The following ATRNL1 variants were observed in gnomAD, a reference collection of about 807,000 sequenced individuals.
The protein encoded by ATRNL1 is attractin-like protein 1.
ATRNL1 carries 95 observed loss-of-function variants against 182.7 expected under a neutral mutation model. That is an observed-to-expected ratio of 0.52 (90% CI 0.44 to 0.62). The LOEUF (loss-of-function observed/expected upper bound fraction) is 0.62, where lower values mean the gene tolerates loss of function less well. ATRNL1 is among the 20% of genes least tolerant of loss of function. The probability of loss-of-function intolerance (pLI) is 0.00; values close to 1 mark genes in which losing one functional copy is unlikely to be tolerated. For synonymous variants in ATRNL1, 576 were observed against 568.3 expected (o/e 1.01, Z -0.19); for missense variants, 1,471 against 1,679.5 (o/e 0.88, Z 2.17).
intron 20 of ATRNL1, among the ~76,000 whole-genome samples, chr10:115,417,599 C>A (rs1845454058): frequency 6.6e-6 from 1 of 152,160 alleles, no homozygotes; most frequent in African/African-American, 2.4e-5. Flanking sequence ...CACAGTAGAT[C>A]CTGAGGGGAC....
chr10:115,835,992 C>T (rs782407512), intron 27 of ATRNL1, among the ~76,000 whole-genome samples: 8 of 152,206 alleles, frequency 5.3e-5, no homozygotes, highest in Non-Finnish European at 1.2e-4. Flanking sequence ...GGCTACTTCC[C>T]AATGAACCTC....
intron 19 of ATRNL1, among the ~76,000 whole-genome samples, chr10:115,358,613 G>C (rs1554943432): frequency 6.6e-6 from 1 of 151,484 alleles, no homozygotes; most frequent in Admixed American, 6.6e-5. Context: ...AAAGATTTTA[G>C]TATACCTATT....
intron 17 of ATRNL1, among the ~76,000 whole-genome samples, chr10:115,311,030 A>C (rs1554927612): frequency 6.6e-6 from 1 of 151,886 alleles, no homozygotes; most frequent in African/African-American, 2.4e-5. Flanking sequence ...CTTTTTGCAG[A>C]ATTTAAAACT....
intron 26 of ATRNL1, among the ~76,000 whole-genome samples, chr10:115,656,409 G>T (rs1248241581): frequency 2.0e-5 from 3 of 152,086 alleles, no homozygotes; most frequent in African/African-American, 4.8e-5. Flanking sequence ...GGGATTCTCT[G>T]GCTACTCCAG....
intron 26 of ATRNL1, among the ~76,000 whole-genome samples, chr10:115,679,067 A>G (rs1945962397): frequency 6.6e-6 from 1 of 152,088 alleles, no homozygotes; most frequent in South Asian, 2.1e-4. Flanking sequence ...AAAGTGAAGG[A>G]TCCTGATGCC....
At chr10:115,837,466 CCACACACA>C (rs71010052) in intron 27 of ATRNL1, among the ~76,000 whole-genome samples, 5,754 of 134,638 alleles carry the variant, frequency 0.043, 183 homozygotes, top group Non-Finnish European at 0.053. Flanking sequence ...GCTTCCCAAG[CCACACACA>C]CACACACACA....
chr10:115,334,506 T>C, intron 19 of ATRNL1, 87 bp downstream of exon 19: 1 of 999,450 alleles, frequency 1.0e-6, no homozygotes, highest in Non-Finnish European at 1.4e-6. Context: ...GAATATATAC[T>C]ACTACAGAAA....
chr10:115,700,643 A>G (rs1472415551), intron 26 of ATRNL1, among the ~76,000 whole-genome samples: 8 of 152,080 alleles, frequency 5.3e-5, no homozygotes, highest in South Asian at 2.1e-4. Flanking sequence ...CCCATGCTGT[A>G]TGTTGTCTGT....
At chr10:115,299,207 TAAA>T (rs1356615385) in intron 15 of ATRNL1, among the ~76,000 whole-genome samples, 1 of 151,784 alleles carries the variant, frequency 6.6e-6, no homozygotes, top group South Asian at 2.1e-4. Context: ...GTTTATAATA[TAAA>T]AAATTGTAAA....
At chr10:115,494,104 C>A (rs1335766354) in intron 24 of ATRNL1, among the ~76,000 whole-genome samples, 1 of 151,930 alleles carries the variant, frequency 6.6e-6, no homozygotes, top group African/African-American at 2.4e-5. Context: ...TTGTTGGAAG[C>A]TCTTCAGTTT....
intron 28 of ATRNL1, among the ~76,000 whole-genome samples, chr10:115,871,473 G>GTATATATATATATATATATATATATA (rs1391895391): frequency 2.7e-4 from 4 of 15,028 alleles, no homozygotes; most frequent in African/African-American, 5.8e-4. Context: ...GATTCTTTGT[G>GTATATATATATATATATATATATATA]TGTGTGTATA....
At chr10:115,284,853 C>G (rs1852532658) in intron 14 of ATRNL1, among the ~76,000 whole-genome samples, 1 of 152,062 alleles carries the variant, frequency 6.6e-6, no homozygotes, top group Non-Finnish European at 1.5e-5. Context: ...TTGTAATGTT[C>G]CCCTTCAACA....
At chr10:115,492,407 AG>A (rs1387072922) in intron 24 of ATRNL1, among the ~76,000 whole-genome samples, 1 of 151,868 alleles carries the variant, frequency 6.6e-6, no homozygotes, top group Non-Finnish European at 1.5e-5. Flanking sequence ...TGATTTAATT[AG>A]GTCTCTCATT....
intron 18 of ATRNL1, among the ~76,000 whole-genome samples, chr10:115,331,286 T>C (rs1163523737): frequency 6.6e-6 from 1 of 152,198 alleles, no homozygotes; most frequent in Non-Finnish European, 1.5e-5. Flanking sequence ...CATCTCAATC[T>C]CCTGACCTTG....
intron 19 of ATRNL1, among the ~76,000 whole-genome samples, chr10:115,371,459 C>G (rs782287766): frequency 3.3e-5 from 5 of 152,224 alleles, no homozygotes; most frequent in Admixed American, 6.5e-5. Flanking sequence ...GAACACACCT[C>G]TTGCATCAGC....
At chr10:115,154,783 T>G (rs1846422287) in intron 5 of ATRNL1, among the ~76,000 whole-genome samples, 1 of 152,136 alleles carries the variant, frequency 6.6e-6, no homozygotes, top group African/African-American at 2.4e-5. Flanking sequence ...GAGTAGGGTG[T>G]TGAAGTCCCC....
In ATRNL1 at chr10:115,501,817, C is replaced by A. The variant is rs552330801; in HGVS notation, c.3655-17446C>A. On this transcript the variant is annotated intron_variant, in intron 24 of 28. Transcript: ENST00000355044. ...TAGTCATCTATTAGTTCAGTCCATG[C>A]AGTTAATTCCTGTTCTGCTTGACAT... 3.3e-5 allele frequency among the ~76,000 whole-genome samples: 5 copies of A among 152,250 alleles called. No individual in the cohort carries two copies. The East Asian group carries it at 9.7e-4, about 29-fold the overall frequency.
At chr10:115,295,402 G>T (rs1453929783) in intron 15 of ATRNL1, among the ~76,000 whole-genome samples, 1 of 152,178 alleles carries the variant, frequency 6.6e-6, no homozygotes, top group Non-Finnish European at 1.5e-5. Context: ...GCCAGGGGTG[G>T]CCTGTAGAGG....
Position 115,433,513 on chromosome 10 carries a change from G to T in ATRNL1, c.3322+7211G>T, listed in dbSNP as rs185355478. On this transcript the variant is annotated intron_variant, in intron 21 of 28. Coordinates refer to ENST00000355044, the MANE Select transcript of ATRNL1 (RefSeq NM_207303.4). ...ATAATCTAAATTCTTATATTTACCAGATTGCAGACATGATGGATTGAACAG... is the reference window on the plus strand; with the variant it reads ...ATAATCTAAATTCTTATATTTACCATATTGCAGACATGATGGATTGAACAG... Among the ~76,000 whole-genome samples the T allele has an allele frequency of 3.9e-5, 6 of 152,208 alleles. No individual in the cohort carries two copies. The East Asian group carries it at 1.2e-3, about 29-fold the overall frequency.
Sources: gnomAD v4.1 joint callset for allele counts (sites outside exome capture counted in the v4.1 genomes callset) on GRCh38, gnomAD v4.1.1 for gene constraint, MANE v1.5 for transcripts, NCBI Gene and HGNC (gene_info 2026-07-23, HGNC 2026-07-21) for gene names.